RPS6KA2: variants seen among roughly 807,000 people sequenced by gnomAD.
The protein encoded by RPS6KA2 is ribosomal protein S6 kinase A2.
A neutral mutation model predicts 91.8 loss-of-function variants in RPS6KA2; 42 were observed. That is an observed-to-expected ratio of 0.46 (90% CI 0.36 to 0.59). The LOEUF (loss-of-function observed/expected upper bound fraction) is 0.59, where lower values mean the gene tolerates loss of function less well. Ranked by LOEUF, RPS6KA2 falls within the 20% of genes least tolerant of loss-of-function variation. The pLI, the probability that RPS6KA2 is intolerant of heterozygous loss-of-function variation, is 0.00. For missense variants in RPS6KA2, 798 were observed against 978.5 expected (o/e 0.82, Z 2.46); for synonymous variants, 414 against 393.6 (o/e 1.05, Z -0.61).
intron 10 of RPS6KA2, among the ~76,000 whole-genome samples, chr6:166,478,261 T>C (rs990976074): frequency 6.6e-6 from 1 of 152,178 alleles, no homozygotes; most frequent in Non-Finnish European, 1.5e-5. Context: ...TTATAATAAG[T>C]GTCCAGATGT....
chr6:166,722,567 G>A (rs1446650918), intron 2 of RPS6KA2, among the ~76,000 whole-genome samples: 2 of 152,354 alleles, frequency 1.3e-5, no homozygotes, highest in Non-Finnish European at 1.5e-5. Context: ...TGCAATGGGA[G>A]TGGAATGTCC....
intron 2 of RPS6KA2, among the ~76,000 whole-genome samples, chr6:166,728,330 G>A (rs368604667): frequency 5.9e-4 from 90 of 152,322 alleles, no homozygotes; most frequent in African/African-American, 2.0e-3. Flanking sequence ...CAGGTTCCAC[G>A]TGGTGTGGGC....
intron 2 of RPS6KA2, among the ~76,000 whole-genome samples, chr6:166,653,368 T>C (rs1170446119): frequency 1.3e-5 from 2 of 152,210 alleles, no homozygotes; most frequent in East Asian, 3.9e-4. Context: ...GCCCTAATAA[T>C]GTTTTTAAGG....
Position 166,490,743 on chromosome 6 carries a change from T to C in RPS6KA2, c.748-2A>G. The stretch of plus-strand genomic sequence containing the variant: ...CAGGGACCCCGTGAGCATCTCAAAC[T>C]GCAGAGCAACACAGAGCACAGTGAG... On this transcript the variant is annotated splice_acceptor_variant, in intron 8 of 20. Coordinates refer to ENST00000265678, the MANE Select transcript of RPS6KA2 (RefSeq NM_021135.6). LOFTEE classifies it high-confidence loss of function. The surrounding 1 kb of genome is among the most constrained non-coding windows in gnomAD (Gnocchi z 4.2). 1 of 1,611,544 alleles carries C rather than the reference T, an allele frequency of 6.2e-7. No individual in the cohort carries two copies.
intron 2 of RPS6KA2, among the ~76,000 whole-genome samples, chr6:166,684,128 G>A (rs1212699027): frequency 1.3e-5 from 2 of 152,154 alleles, no homozygotes; most frequent in African/African-American, 4.8e-5. Context: ...GGTAGGAGAC[G>A]GGACTTGACT....
intron 2 of RPS6KA2, among the ~76,000 whole-genome samples, chr6:166,791,208 C>T (rs1279066248): frequency 6.6e-5 from 10 of 151,944 alleles, no homozygotes; most frequent in Non-Finnish European, 1.2e-4. Flanking sequence ...AAGCAAGGGT[C>T]GCAATCCTAG....
intron 2 of RPS6KA2, among the ~76,000 whole-genome samples, chr6:166,634,335 G>A (rs368765028): frequency 6.6e-6 from 1 of 152,206 alleles, no homozygotes; most frequent in Non-Finnish European, 1.5e-5. Context: ...CCCACGGGCT[G>A]AGGGGAAGGA....
intron 2 of RPS6KA2, among the ~76,000 whole-genome samples, chr6:166,686,974 G>A (rs889442105): frequency 3.3e-5 from 5 of 152,248 alleles, no homozygotes; most frequent in African/African-American, 9.6e-5. Context: ...CTGACTGGGT[G>A]CAGGGCAGAG....
At chr6:166,441,138 G>A (rs1022677580) in intron 14 of RPS6KA2, among the ~76,000 whole-genome samples, 10 of 152,118 alleles carry the variant, frequency 6.6e-5, no homozygotes, top group African/African-American at 2.2e-4. Context: ...AAGCTGCCCC[G>A]TCTCCTTCCT....
intron 19 of RPS6KA2, among the ~76,000 whole-genome samples, chr6:166,417,171 C>CAA (rs1264977276): frequency 2.0e-5 from 3 of 152,150 alleles, no homozygotes; most frequent in Non-Finnish European, 4.4e-5. Flanking sequence ...AGGCCAAATT[C>CAA]AAAGTATTTT....
chr6:166,484,746 G>A (rs1011121711), intron 10 of RPS6KA2, among the ~76,000 whole-genome samples: 10 of 152,216 alleles, frequency 6.6e-5, no homozygotes, highest in Admixed American at 1.3e-4. Flanking sequence ...CCACCACCAC[G>A]TGGTGTGTTA....
chr6:166,572,655 G>C (rs1027690282), intron 1 of RPS6KA2, among the ~76,000 whole-genome samples: 5 of 152,218 alleles, frequency 3.3e-5, no homozygotes, highest in Non-Finnish European at 7.3e-5. Flanking sequence ...ATATGGCCTG[G>C]GGATAGGGGA....
At chr6:166,717,312 G>C (rs768631842) in intron 2 of RPS6KA2, among the ~76,000 whole-genome samples, 20 of 152,184 alleles carry the variant, frequency 1.3e-4, no homozygotes, top group Non-Finnish European at 2.5e-4. Flanking sequence ...CCGCAACAGA[G>C]AGCTGCAGAA....
chr6:166,619,483 C>T (rs1006314268), intron 1 of RPS6KA2, among the ~76,000 whole-genome samples: 3 of 152,278 alleles, frequency 2.0e-5, no homozygotes, highest in Non-Finnish European at 4.4e-5. Flanking sequence ...CCTTTGCAAG[C>T]ATAGTGTAGA....
intron 1 of RPS6KA2, 34 bp from the exon 2 acceptor site, chr6:166,538,818 G>A (rs933071936): frequency 1.4e-5 from 16 of 1,179,284 alleles, no homozygotes; most frequent in East Asian, 2.4e-5. Flanking sequence ...GAAACACACC[G>A]CGAGGAGTCC....
At chr6:166,658,175 G>A (rs1788055191) in intron 2 of RPS6KA2, among the ~76,000 whole-genome samples, 1 of 152,200 alleles carries the variant, frequency 6.6e-6, no homozygotes, top group Admixed American at 6.5e-5. Flanking sequence ...AGCCACTGTG[G>A]CCAGCCCAGG....
chr6:166,511,969 A>G (rs1452280059), intron 3 of RPS6KA2, among the ~76,000 whole-genome samples: 1 of 152,206 alleles, frequency 6.6e-6, no homozygotes, highest in African/African-American at 2.4e-5. Context: ...AACTGAAAGT[A>G]TGGATTTGAA....
intron 1 of RPS6KA2, among the ~76,000 whole-genome samples, chr6:166,614,972 G>A (rs777595136): frequency 6.6e-6 from 1 of 152,182 alleles, no homozygotes; most frequent in South Asian, 2.1e-4. Flanking sequence ...GGCTTAGGCT[G>A]TGGCTTTCTC....
chr6:166,438,926 A>T (rs1477116772), intron 14 of RPS6KA2, among the ~76,000 whole-genome samples: 32 of 152,222 alleles, frequency 2.1e-4, no homozygotes, highest in Admixed American at 2.0e-3. Context: ...TAAAAAAAAA[A>T]AATTCTCAAT....
Sources: gnomAD v4.1 joint callset for allele counts (sites outside exome capture counted in the v4.1 genomes callset) on GRCh38, gnomAD v4.1.1 for gene constraint, Gnocchi (gnomAD v3.1) non-coding constraint, MANE v1.5 for transcripts, NCBI Gene and HGNC (gene_info 2026-07-23, HGNC 2026-07-21) for gene names.